Variants in C14orf132 observed in about 807,000 individuals in gnomAD.
The protein encoded by C14orf132 is uncharacterized protein C14orf132.
A neutral mutation model predicts 5.8 loss-of-function variants in C14orf132; 6 were observed. That is an observed-to-expected ratio of 1.03 (90% confidence interval 0.57 to 2.04). The LOEUF (loss-of-function observed/expected upper bound fraction) is 2.04, where lower values mean the gene tolerates loss of function less well. Among genes scored for constraint, C14orf132 ranks in the 30% most tolerant of loss-of-function variants. The pLI is 0.00. For synonymous variants in C14orf132, 51 were observed against 49.8 expected (o/e 1.02, Z -0.10); for missense variants, 125 against 115.8 (o/e 1.08, Z -0.37).
intron 1 of C14orf132, among the ~76,000 whole-genome samples, chr14:96,049,508 G>A (rs61982721): frequency 0.063 from 8,432 of 134,202 alleles, 420 homozygotes; most frequent in East Asian, 0.14. Flanking sequence ...GTATATATAC[G>A]TATATACGTA....
intron 1 of C14orf132, among the ~76,000 whole-genome samples, chr14:96,041,660 GGT>G (rs1886697410): frequency 6.6e-6 from 1 of 152,186 alleles, no homozygotes; most frequent in Admixed American, 6.5e-5. Context: ...CCCTGCTCCT[GGT>G]GTGTCCTGTG....
rs535580254 is a variant in C14orf132, at chr14:96,039,546, C to A, written c.27+19C>A. 500 of 1,499,688 alleles carry A rather than the reference C, an allele frequency of 3.3e-4. 2 individuals are homozygous for A. The African/African-American group carries it at 5.5e-3, about 17-fold the overall frequency. 92.9% of individuals were successfully genotyped at this position (1,499,688 alleles called of 1,614,324 possible). ...CGCGCAGGTAACGGGGCGTCCCCCCCACGCGCCCCGGGCCGCCAAGTTTGG... is the reference window on the plus strand; with the variant it reads ...CGCGCAGGTAACGGGGCGTCCCCCCAACGCGCCCCGGGCCGCCAAGTTTGG... On this transcript the variant is annotated intron_variant, in intron 1 of 1. Coordinates refer to ENST00000555004, the MANE Select transcript of C14orf132 (RefSeq NM_001252507.3). This position sits in a 1 kb window ranked among gnomAD's most constrained non-coding sequence, Gnocchi z 5.3.
At chr14:96,040,554 C>T (rs1886663871) in intron 1 of C14orf132, among the ~76,000 whole-genome samples, 1 of 152,108 alleles carries the variant, frequency 6.6e-6, no homozygotes, top group Non-Finnish European at 1.5e-5. Flanking sequence ...TGCTTTTTCC[C>T]CAAGCTTCAC....
chr14:96,072,634 T>TCCTCTTGCTG (rs1433314554), intron 1 of C14orf132, among the ~76,000 whole-genome samples: 3 of 152,156 alleles, frequency 2.0e-5, no homozygotes, highest in Non-Finnish European at 2.9e-5. Flanking sequence ...CCAAAATATC[T>TCCTCTTGCTG]CCTCTTGCTG....
intron 1 of C14orf132, among the ~76,000 whole-genome samples, chr14:96,044,413 C>T (rs1390419959): frequency 6.6e-6 from 1 of 152,228 alleles, no homozygotes; most frequent in African/African-American, 2.4e-5. Context: ...CTCCTGGGCT[C>T]AAGCGATCCT....
At chr14:96,045,148 T>C (rs1013830150) in intron 1 of C14orf132, among the ~76,000 whole-genome samples, 30 of 152,316 alleles carry the variant, frequency 2.0e-4, no homozygotes, top group Admixed American at 5.9e-4. Context: ...ATGTTTCCTG[T>C]GTGCCAGGCC....
chr14:96,065,457 C>G lies in C14orf132; in HGVS notation c.28-21054C>G, dbSNP rs1001596524. Among the ~76,000 whole-genome samples the G allele has an allele frequency of 3.3e-5, 5 of 152,018 alleles. No individual in the cohort carries two copies. In the East Asian group the frequency reaches 9.6e-4, roughly 29 times the overall value. On this transcript the variant is annotated intron_variant, in intron 1 of 1. Coordinates refer to ENST00000555004, the MANE Select transcript of C14orf132 (RefSeq NM_001252507.3). ...AGGGAGGTAAACATCCTGGGCTTGC[C>G]GTTGCCCCGGCCGCCGCTTCACTCC...
intron 1 of C14orf132, among the ~76,000 whole-genome samples, chr14:96,040,001 C>G (rs1886645232): frequency 6.6e-6 from 1 of 151,986 alleles, no homozygotes; most frequent in Admixed American, 6.5e-5. Context: ...TTTGCCGCCG[C>G]CTGAGGAAGG....
intron 1 of C14orf132, among the ~76,000 whole-genome samples, chr14:96,078,971 G>T (rs555821897): frequency 2.0e-4 from 31 of 152,378 alleles, no homozygotes; most frequent in African/African-American, 7.0e-4. Context: ...GGGGATCAGC[G>T]TGTACCTAGC....
At chr14:96,053,779 C>G (rs1413102832) in intron 1 of C14orf132, among the ~76,000 whole-genome samples, 1 of 152,192 alleles carries the variant, frequency 6.6e-6, no homozygotes, top group East Asian at 1.9e-4. Context: ...TCTCCAGCAG[C>G]CCACTGTGGG....
intron 1 of C14orf132, among the ~76,000 whole-genome samples, chr14:96,071,224 TC>T (rs1444986253): frequency 4.6e-5 from 7 of 152,042 alleles, no homozygotes; most frequent in Non-Finnish European, 1.0e-4. Flanking sequence ...AGGGGAAAGC[TC>T]CTTTATAAAG....
chr14:96,072,308 G>A (rs1887735791), intron 1 of C14orf132, among the ~76,000 whole-genome samples: 4 of 152,188 alleles, frequency 2.6e-5, no homozygotes, highest in African/African-American at 7.2e-5. Context: ...AGCTTGGGAC[G>A]TGGAGGCAGA....
chr14:96,078,791 C>G (rs976217899), intron 1 of C14orf132, among the ~76,000 whole-genome samples: 1 of 152,214 alleles, frequency 6.6e-6, no homozygotes, highest in Admixed American at 6.5e-5. Context: ...TGCAGTCCTG[C>G]CCGCCCCAGC....
At chr14:96,054,620 C>A (rs1887126418) in intron 1 of C14orf132, among the ~76,000 whole-genome samples, 1 of 152,166 alleles carries the variant, frequency 6.6e-6, no homozygotes, top group Non-Finnish European at 1.5e-5. Flanking sequence ...CTGTGCAGGG[C>A]AGCATGGACA....
At chr14:96,055,129 TACTC>T (rs1887140495) in intron 1 of C14orf132, among the ~76,000 whole-genome samples, 1 of 152,200 alleles carries the variant, frequency 6.6e-6, no homozygotes, top group Non-Finnish European at 1.5e-5. Flanking sequence ...AGGGCATTAT[TACTC>T]ACACCGCAGC....
intron 1 of C14orf132, among the ~76,000 whole-genome samples, chr14:96,069,116 G>T (rs1190713664): frequency 6.8e-6 from 1 of 146,614 alleles, no homozygotes; most frequent in Non-Finnish European, 1.5e-5. Flanking sequence ...CAGATGGTGG[G>T]GTTTCTCAGC....
intron 1 of C14orf132, among the ~76,000 whole-genome samples, chr14:96,078,774 A>T (rs77045670): frequency 0.22 from 33,429 of 152,048 alleles, 4,026 homozygotes; most frequent in Non-Finnish European, 0.27. Flanking sequence ...CTGCCTGTTC[A>T]CGGTCCTGCA....
chr14:96,069,538 G>A (rs1443640579), intron 1 of C14orf132, among the ~76,000 whole-genome samples: 1 of 152,118 alleles, frequency 6.6e-6, no homozygotes, highest in Non-Finnish European at 1.5e-5. Context: ...AGCCAGGGCA[G>A]GCATGGGATG....
chr14:96,077,885 C>T (rs1887923454), intron 1 of C14orf132, among the ~76,000 whole-genome samples: 1 of 152,250 alleles, frequency 6.6e-6, no homozygotes, highest in South Asian at 2.1e-4. Flanking sequence ...AGAGCCTTTA[C>T]TGTGCTCCTT....
Sources: allele counts gnomAD v4.1 joint callset (sites outside exome capture counted in the v4.1 genomes callset), GRCh38; gene constraint gnomAD v4.1.1; non-coding constraint Gnocchi (gnomAD v3.1); transcripts MANE v1.5; gene names NCBI Gene and HGNC (gene_info 2026-07-23, HGNC 2026-07-21).